NECTIN3: variants seen among roughly 807,000 people sequenced by gnomAD.
NECTIN3 encodes the protein nectin-3.
NECTIN3 carries 8 observed loss-of-function variants against 49.4 expected under a neutral mutation model. The observed-to-expected ratio is 0.16, with a 90% CI of 0.10 to 0.29. The LOEUF is 0.29. Ranked by LOEUF, NECTIN3 falls within the 10% of genes least tolerant of loss-of-function variation. The pLI is 1.00. For missense variants in NECTIN3, 581 were observed against 654.6 expected, an observed-to-expected ratio of 0.89 and a Z score of 1.23; for synonymous variants, 277 against 241.1, an observed-to-expected ratio of 1.15 and a Z score of -1.38.
Position 111,118,877 on chromosome 3 carries a change from A to G in NECTIN3, c.724A>G (p.Arg242Gly). The change falls in exon 3 of 6, where the codon AGG becomes GGG. Residue 242 changes from arginine (R) to glycine (G), a missense_variant. Physicochemically the swap from Arg to Gly is moderately radical, Grantham distance 125. Around this residue, in one of 3 missense-constraint regions of NECTIN3, gnomAD observed 234 missense variants for 340.6 expected, o/e 0.69. Coordinates refer to ENST00000485303, the MANE Select transcript of NECTIN3 (RefSeq NM_015480.3). ...ATTTCCAACCAGATTTGCTAGAGGA[A>G]GGCGAATTACTTGTGTTGTAAAACA... The part of the protein sequence containing the change: ...KLFPTRFARG[R>G]RITCVVKHPA... 1 of 1,614,186 alleles carries G rather than the reference A, an allele frequency of 6.2e-7. No homozygotes were observed. Among genetic ancestry groups the G allele is most frequent in the Non-Finnish European group, 8.5e-7 (1 of 1,180,024 alleles).
intron 1 of NECTIN3, 65 bp downstream of exon 1, chr3:111,072,242 C>T (rs986330781): frequency 4.7e-6 from 7 of 1,486,732 alleles, no homozygotes; most frequent in African/African-American, 4.3e-5. Flanking sequence ...GGCGCCGCGG[C>T]CGGCTCTGCC....
At chr3:111,163,360 A>G (rs1465744973) in intron 7 of NECTIN3, among the ~76,000 whole-genome samples, 2 of 152,182 alleles carry the variant, frequency 1.3e-5, no homozygotes, top group South Asian at 2.1e-4. Flanking sequence ...AGCAACTACA[A>G]AGGCCCACTC....
intron 1 of NECTIN3, among the ~76,000 whole-genome samples, chr3:111,080,339 G>GTTTAATTTATATTAACATATATTAATTAA (rs1456711747): frequency 5.2e-4 from 79 of 152,172 alleles, no homozygotes; most frequent in African/African-American, 1.8e-3. Context: ...ATAGTTAATA[G>GTTTAATTTATATTAACATATATTAATTAA]TAAAAATGTT....
At position 111,135,698 on chromosome 3, in the gene NECTIN3, C is replaced by T; in HGVS notation, c.*1483C>T. On this transcript the variant is annotated 3_prime_UTR_variant, in exon 6 of 6. Coordinates refer to ENST00000485303, the MANE Select transcript of NECTIN3 (RefSeq NM_015480.3). ...AGTAGTAGGTACTTTTTAAACCCTC[C>T]CAACCAGCCCTTTCTCAATATTCAT... 1.0e-6 allele frequency: 1 copy of T among 957,020 alleles called. No individual in the cohort carries two copies. Among genetic ancestry groups the T allele is most frequent in the Non-Finnish European group, 1.2e-6 (1 of 804,434 alleles). The allele number at this position is 957,020 out of a possible 1,614,324, so 59.3% of individuals were successfully genotyped here. A position where few individuals can be genotyped will look rare whatever the true frequency, so the allele number is the denominator to read the frequency against.
intron 1 of NECTIN3, among the ~76,000 whole-genome samples, chr3:111,106,328 G>T (rs1285374347): frequency 6.6e-6 from 1 of 152,102 alleles, no homozygotes; most frequent in East Asian, 1.9e-4. Flanking sequence ...CCAGTTTTTG[G>T]CATGTGACCC....
chr3:111,116,400 A>C (rs1559788119), intron 2 of NECTIN3, among the ~76,000 whole-genome samples: 1 of 152,206 alleles, frequency 6.6e-6, no homozygotes, highest in Admixed American at 6.5e-5. Context: ...CCTAGGAATT[A>C]ATTCATTACT....
upstream of NECTIN3, among the ~76,000 whole-genome samples, chr3:111,188,883 C>A (rs887554617): frequency 2.0e-5 from 3 of 152,108 alleles, no homozygotes; most frequent in African/African-American, 7.2e-5. Context: ...AAGCACAGAA[C>A]AGCACATCTT....
rs766561615 is a variant in NECTIN3 at position 111,133,983 on chromosome 3, A to G, written c.1418A>G (p.Glu473Gly). 4 of 1,613,272 alleles carry G rather than the reference A, an allele frequency of 2.5e-6. No individual in the cohort carries two copies. ...TCTTACCCAGACAGTGTAAAAAAAG[A>G]AAACAAAAATCCAGTGAACAATCTA... ...LDSYPDSVKK[E>G]NKNPVNNLIR... is the part of the protein sequence containing the mutation. Residue 473 changes from glutamate (E) to glycine (G), a missense_variant, in exon 6 of 6, where the codon GAA becomes GGA. Glu to Gly is a moderately conservative substitution (Grantham distance 98). Around this residue, in one of 3 missense-constraint regions of NECTIN3, gnomAD observed 238 missense variants for 244.9 expected, o/e 0.97. Transcript: ENST00000485303.
In NECTIN3 at chr3:111,134,103, A is replaced by C. The variant is rs2034493744; in HGVS notation, c.1538A>C (p.Asp513Ala). Residue 513 changes from aspartate to alanine, a missense_variant, in exon 6 of 6, where the codon GAT becomes GCT. Asp to Ala is a moderately radical substitution (Grantham distance 126). This residue lies in a region of NECTIN3 where 238 missense variants were observed against 244.9 expected (regional missense o/e 0.97). Coordinates refer to ENST00000485303, the MANE Select transcript of NECTIN3 (RefSeq NM_015480.3). ...GAAAGACCAATGGATTATTATGAAG[A>C]TCTAAAAATGGGAATGAAGTTTGTC... ...RFERPMDYYE[D>A]LKMGMKFVSD... is the part of the protein sequence containing the mutation. 1.2e-6 allele frequency: 2 copies of C among 1,613,494 alleles called. No homozygotes were observed. The highest frequency in any genetic ancestry group is 1.7e-6 in the Non-Finnish European group (2 of 1,179,676).
intron 7 of NECTIN3, among the ~76,000 whole-genome samples, chr3:111,182,158 TTTA>T (rs2035637424): frequency 6.6e-6 from 1 of 152,098 alleles, no homozygotes; most frequent in South Asian, 2.1e-4. Flanking sequence ...GTTTTAATTA[TTTA>T]TTTTTCGTTA....
rs2033489616 is a variant in NECTIN3 at position 111,112,016 on chromosome 3, T to C, written c.161-14T>C. Reference sequence around the variant, plus strand: ...TCTATTTTAAAAATTGTAGTACTTTTTTTTCCTCCATAGGTGCCTTAGCTG... The same window carrying C: ...TCTATTTTAAAAATTGTAGTACTTTCTTTTCCTCCATAGGTGCCTTAGCTG... On this transcript the variant is annotated splice_polypyrimidine_tract_variant and intron_variant, in intron 1 of 5. Transcript: ENST00000485303. 1.3e-6 allele frequency: 2 copies of C among 1,560,668 alleles called. No homozygotes were observed.
chr3:111,090,060 C>T (rs1453717163), intron 1 of NECTIN3, among the ~76,000 whole-genome samples: 2 of 152,140 alleles, frequency 1.3e-5, no homozygotes, highest in African/African-American at 2.4e-5. Context: ...CATATAGCTA[C>T]ATAAGTTTAT....
chr3:111,135,189 T>A lies in NECTIN3; in HGVS notation c.*974T>A. The A allele has an allele frequency of 1.0e-6, 1 of 981,598 alleles. No homozygotes were observed. Among genetic ancestry groups the A allele is most frequent in the South Asian group, 4.7e-5 (1 of 21,214 alleles). The allele number at this position is 981,598 out of a possible 1,614,324, so 60.8% of individuals were successfully genotyped here. A position where few individuals can be genotyped will look rare whatever the true frequency, so the allele number is the denominator to read the frequency against. On this transcript the variant is annotated 3_prime_UTR_variant, in exon 6 of 6. Coordinates refer to ENST00000485303, the MANE Select transcript of NECTIN3 (RefSeq NM_015480.3). Reference sequence around the variant, plus strand: ...TGTTTTAGTTATTTAATGTTGATGTTGTTCAAATGGGTAAATGTACAGAAA... The same window carrying A: ...TGTTTTAGTTATTTAATGTTGATGTAGTTCAAATGGGTAAATGTACAGAAA...
intron 4 of NECTIN3, among the ~76,000 whole-genome samples, chr3:111,123,185 AAT>A (rs1394462035): frequency 2.6e-5 from 4 of 152,124 alleles, no homozygotes; most frequent in African/African-American, 4.8e-5. Context: ...CAACAATAAA[AAT>A]ATGTTATTTT....
chr3:111,116,580 A>C (rs1051481111), intron 2 of NECTIN3, among the ~76,000 whole-genome samples: 2 of 152,110 alleles, frequency 1.3e-5, no homozygotes, highest in African/African-American at 4.8e-5. Context: ...TAGTAGCAGA[A>C]CCAAATTTAA....
chr3:111,121,476 A>T (rs1160893681), intron 3 of NECTIN3, among the ~76,000 whole-genome samples: 1 of 152,162 alleles, frequency 6.6e-6, no homozygotes, highest in Non-Finnish European at 1.5e-5. Flanking sequence ...TGTTGCACAT[A>T]TGCTAAAAGA....
rs142606359 is a variant in NECTIN3 at position 111,169,079 on chromosome 3, CTT to C, written c.1221+21622_1221+21623del. Among the ~76,000 whole-genome samples, 355 of 104,054 alleles carry C rather than the reference CTT, an allele frequency of 3.4e-3. 9 individuals are homozygous for C. The highest frequency in any genetic ancestry group is 0.011 in the African/African-American group (246 of 22,188). The allele number at this position is 104,054 out of a possible 152,430, so 68.3% of individuals were successfully genotyped here. A position where few individuals can be genotyped will look rare whatever the true frequency, so the allele number is the denominator to read the frequency against. On this transcript the variant is annotated intron_variant, in intron 7 of 8. Coordinates refer to the NECTIN3 transcript ENST00000493615. ...TACTAGTATATCAGGACTATTCAAACTTTTTTTTTTTTTTTTTTTTTTTTTTT... is the reference window on the plus strand; with the variant it reads ...TACTAGTATATCAGGACTATTCAAACTTTTTTTTTTTTTTTTTTTTTTTTT...
At chr3:111,191,866 C>T (rs1332747968), upstream of NECTIN3, among the ~76,000 whole-genome samples, 3 of 152,182 alleles carry the variant, frequency 2.0e-5, no homozygotes, top group East Asian at 5.8e-4. Context: ...CTTGGTTGCT[C>T]TGTAGCCCAG....
intron 1 of NECTIN3, among the ~76,000 whole-genome samples, chr3:111,096,191 A>G (rs1411000386): frequency 1.3e-5 from 2 of 152,190 alleles, no homozygotes; most frequent in Admixed American, 6.5e-5. Context: ...AACTGGAGCA[A>G]AGGTGACTCT....
Sources: gnomAD v4.1 joint callset for allele counts (sites outside exome capture counted in the v4.1 genomes callset) on GRCh38, gnomAD v4.1.1 for gene constraint, gnomAD v4.1.1 regional missense constraint, MANE v1.5 for transcripts, NCBI Gene and HGNC (gene_info 2026-07-23, HGNC 2026-07-21) for gene names.